SYNM: variants seen among roughly 807,000 people sequenced by gnomAD.
SYNM encodes synemin.
Under a neutral mutation model 104.0 loss-of-function variants are expected in SYNM, and 95 were observed. The ratio of observed to expected loss-of-function variants is 0.91; its 90% CI spans 0.77 to 1.08. SYNM has a LOEUF of 1.08. SYNM is among the 50% of genes least tolerant of loss of function. The probability of loss-of-function intolerance (pLI) is 0.00; values close to 1 mark genes in which losing one functional copy is unlikely to be tolerated. For missense variants in SYNM, 2,150 were observed against 2,052.2 expected, an observed-to-expected ratio of 1.05 and a Z score of -0.92; for synonymous variants, 918 against 869.0, an observed-to-expected ratio of 1.06 and a Z score of -0.99.
rs782210315 is a variant in SYNM at position 99,132,183 on chromosome 15, G to T, written c.3823G>T (p.Gly1275Trp). Residue 1275 changes from glycine to tryptophan, a missense_variant, in exon 4 of 4, where the codon GGG becomes TGG. Gly to Trp is a radical substitution (Grantham distance 184). Coordinates refer to ENST00000336292, the MANE Select transcript of SYNM (RefSeq NM_145728.3). ...LQLGPKEGFS[G>W]QIQFTAPLSD... ...GTTAGGCCCTAAAGAAGGGTTCAGT[G>T]GGCAAATCCAGTTCACAGCTCCACT... The T allele has an allele frequency of 6.2e-7, 1 of 1,613,680 alleles. No individual in the cohort carries two copies. Among genetic ancestry groups the T allele is most frequent in the Non-Finnish European group, 8.5e-7 (1 of 1,179,722 alleles).
intron 2 of SYNM, among the ~76,000 whole-genome samples, chr15:99,114,728 G>A (rs2067331115): frequency 6.6e-6 from 1 of 151,848 alleles, no homozygotes; most frequent in Non-Finnish European, 1.5e-5. Context: ...AGTCCCCCTG[G>A]GTGTGGCCTG....
chr15:99,141,546 A>C, the SYNM span, among the ~76,000 whole-genome samples: 4 of 152,330 alleles, frequency 2.6e-5, no homozygotes, highest in Admixed American at 2.6e-4. Flanking sequence ...TCTGCATAAC[A>C]AATGTTTCAT....
chr15:99,122,389 G>A (rs2067409301), intron 2 of SYNM, among the ~76,000 whole-genome samples: 3 of 152,082 alleles, frequency 2.0e-5, no homozygotes, highest in South Asian at 4.1e-4. Context: ...AAAGGAAAAC[G>A]TTTCTTAGGG....
rs376092037 is a variant in SYNM, at chr15:99,133,846, G to GTTA, written c.*788_*789insTTA. 2 of 152,518 alleles carry GTTA rather than the reference G, an allele frequency of 1.3e-5. No homozygotes were observed. Among genetic ancestry groups the GTTA allele is most frequent in the African/African-American group, 4.8e-5 (2 of 41,416 alleles). 9.4% of individuals were successfully genotyped at this position (152,518 alleles called of 1,614,324 possible). A position where few individuals can be genotyped will look rare whatever the true frequency, so the allele number is the denominator to read the frequency against. ...GCACACAGTCTGAATGCCCTTTTCT[G>GTTA]GAGTGGCCAGTTCCTATCAGACTGT... is the stretch of plus-strand genomic sequence containing the variant. On this transcript the variant is annotated 3_prime_UTR_variant, in exon 4 of 4. Transcript: ENST00000336292.
intron 3 of SYNM, 123 bp downstream of exon 3, chr15:99,126,915 C>G: frequency 2.6e-6 from 2 of 774,388 alleles, no homozygotes; most frequent in Non-Finnish European, 4.0e-6. Context: ...AACAGGAGTT[C>G]ATCTCTCATT....
chr15:99,122,354 C>T (rs1294190597), intron 2 of SYNM, among the ~76,000 whole-genome samples: 2 of 152,184 alleles, frequency 1.3e-5, no homozygotes, highest in African/African-American at 2.4e-5. Context: ...TTTTAGGCCA[C>T]CTGTACCTTT....
chr15:99,116,087 G>C (rs2067345962), intron 2 of SYNM, among the ~76,000 whole-genome samples: 1 of 152,258 alleles, frequency 6.6e-6, no homozygotes, highest in African/African-American at 2.4e-5. Context: ...CTGGGGCTAA[G>C]GCCATGAGGG....
intron 1 of SYNM, among the ~76,000 whole-genome samples, chr15:99,109,378 G>A (rs973718246): frequency 2.6e-5 from 4 of 152,286 alleles, no homozygotes; most frequent in South Asian, 2.1e-4. Context: ...CTGCAAACAC[G>A]GAGATTTTTG....
chr15:99,132,460 C>A lies in SYNM; in HGVS notation c.4100C>A (p.Thr1367Asn), dbSNP rs782488701. Residue 1367 changes from threonine to asparagine, a missense_variant, in exon 4 of 4, where the codon ACT (threonine) becomes AAT (asparagine). Coordinates refer to ENST00000336292, the MANE Select transcript of SYNM (RefSeq NM_145728.3). ...SHTSGRQTVM[T>N]EKSTFQSVVS... ...ACCTCGGGTAGACAAACCGTTATGA[C>A]TGAAAAGAGCACCTTCCAAAGTGTC... 15 of 1,613,912 alleles carry A rather than the reference C, an allele frequency of 9.3e-6. No individual in the cohort carries two copies. In the Admixed American group the frequency reaches 2.5e-4, roughly 27 times the overall value.
rs782105301 is a variant in SYNM at position 99,130,142 on chromosome 15, A to G, written c.1782A>G (p.Lys594=). ...SQDRRAEVSP[K]GLQTPVKDAG... is the part of the protein sequence containing the mutation. ...ACAGAAGAGCAGAGGTGTCCCCGAA[A>G]GGTTTGCAGACGCCTGTGAAGGATG... is the stretch of plus-strand genomic sequence containing the variant. The change falls in exon 4 of 4, where the codon AAA becomes AAG. Residue 594 remains lysine (K), a synonymous_variant. Coordinates refer to ENST00000336292, the MANE Select transcript of SYNM (RefSeq NM_145728.3). 1.8e-5 allele frequency: 29 copies of G among 1,613,822 alleles called. No homozygotes were observed. The highest frequency in any genetic ancestry group is 2.4e-5 in the Non-Finnish European group (28 of 1,179,912).
At chr15:99,139,935 C>CA (rs1268718282), downstream of SYNM, 1 of 351,390 alleles carries the variant, frequency 2.8e-6, no homozygotes, top group Non-Finnish European at 5.2e-6. Flanking sequence ...TAAGTCTTGC[C>CA]ATTTGATTGC....
Position 99,130,898 on chromosome 15 carries a change from C to G in SYNM, c.2538C>G (p.Asp846Glu), listed in dbSNP as rs368060875. 3.1e-6 allele frequency: 5 copies of G among 1,613,734 alleles called. No homozygotes were observed. Among genetic ancestry groups the G allele is most frequent in the Middle Eastern group, 1.6e-4 (1 of 6,084 alleles). ...ACCCCGGGGGGCACGACAGAGATGACGGCTCGGTGTACGGGCAGATCCACA... is the reference window on the plus strand; with the variant it reads ...ACCCCGGGGGGCACGACAGAGATGAGGGCTCGGTGTACGGGCAGATCCACA... ...DEHPGGHDRDDGSVYGQIHIE... is the reference protein window; with the variant it reads ...DEHPGGHDRDEGSVYGQIHIE... The change falls in exon 4 of 4, where the codon GAC becomes GAG. Residue 846 changes from aspartate to glutamate, a missense_variant. By Grantham distance (45) the Asp-to-Glu change is conservative (BLOSUM62 2). Transcript: ENST00000336292.
At chr15:99,140,944 AAGATATAAAC>A in the SYNM span, 6 of 152,200 alleles carry the variant, frequency 3.9e-5, no homozygotes, top group Non-Finnish European at 8.8e-5. Flanking sequence ...TAACACTCAA[AAGATATAAAC>A]AGATTATTCA....
At position 99,129,640 on chromosome 15, in the gene SYNM, C is replaced by T; in HGVS notation, c.1280C>T (p.Thr427Ile). 1 of 1,613,960 alleles carries T rather than the reference C, an allele frequency of 6.2e-7. No individual in the cohort carries two copies. Among genetic ancestry groups the T allele is most frequent in the Non-Finnish European group, 8.5e-7 (1 of 1,179,890 alleles). ...GTCAGCAGTCAAACCAACGTCAGAA[C>T]TTTCTCTCCAACCTATGGCCTTTTA... ...KAVSSQTNVR[T>I]FSPTYGLLRN... The change falls in exon 4 of 4, where the codon ACT (threonine) becomes ATT (isoleucine). Residue 427 changes from threonine to isoleucine, a missense_variant. Transcript: ENST00000336292.
chr15:99,133,248 A>T lies in SYNM; in HGVS notation c.*190A>T. 8.3e-7 allele frequency: 1 copy of T among 1,200,556 alleles called. No individual in the cohort carries two copies. The highest frequency in any genetic ancestry group is 1.1e-6 in the Non-Finnish European group (1 of 897,040). 74.4% of individuals were successfully genotyped at this position (1,200,556 alleles called of 1,614,324 possible). On this transcript the variant is annotated 3_prime_UTR_variant, in exon 4 of 4. Transcript: ENST00000336292. ...AAGGTTTCCAGTTAATTCATGCCTT[A>T]AAAGGCACTGCAATTTTATTTTTGA... is the stretch of plus-strand genomic sequence containing the variant.
intron 2 of SYNM, among the ~76,000 whole-genome samples, chr15:99,115,484 A>G (rs1555483841): frequency 1.8e-5 from 1 of 55,478 alleles, no homozygotes; most frequent in Non-Finnish European, 3.5e-5. Flanking sequence ...TTTTTTTTTG[A>G]GATGGAGTCT....
intron 2 of SYNM, among the ~76,000 whole-genome samples, chr15:99,123,202 C>T (rs962924657): frequency 2.6e-5 from 4 of 152,042 alleles, no homozygotes; most frequent in African/African-American, 9.7e-5. Flanking sequence ...TAGGAAGTGG[C>T]AGGTCTCAGA....
Position 99,131,381 on chromosome 15 carries a change from A to G in SYNM, c.3021A>G (p.Gln1007=). ...TGGTTGCTGAAGTCAACGTCTCACA[A>G]ACTGTGGATGCCGATCGGTTAGACC... ...VTLVAEVNVS[Q]TVDADRLDLE... The change falls in exon 4 of 4, where the codon CAA becomes CAG. Residue 1007 remains glutamine, a synonymous_variant. Coordinates refer to ENST00000336292, the MANE Select transcript of SYNM (RefSeq NM_145728.3). This position sits in a 1 kb window ranked among gnomAD's most constrained non-coding sequence, Gnocchi z 4.3. 1 of 1,613,118 alleles carries G rather than the reference A, an allele frequency of 6.2e-7. No homozygotes were observed. Among genetic ancestry groups the G allele is most frequent in the Non-Finnish European group, 8.5e-7 (1 of 1,179,580 alleles).
At chr15:99,116,203 A>G (rs367932083) in intron 2 of SYNM, among the ~76,000 whole-genome samples, 1 of 152,246 alleles carries the variant, frequency 6.6e-6, no homozygotes, top group East Asian at 1.9e-4. Context: ...CCCAAAGCCC[A>G]TTGTTGGCAT....
Sources: allele counts gnomAD v4.1 joint callset (sites outside exome capture counted in the v4.1 genomes callset), GRCh38; gene constraint gnomAD v4.1.1; non-coding constraint Gnocchi (gnomAD v3.1); transcripts MANE v1.5; gene names NCBI Gene and HGNC (gene_info 2026-07-23, HGNC 2026-07-21).